SPECC1: variants seen among roughly 807,000 people sequenced by gnomAD.
SPECC1 encodes the protein sperm antigen with calponin homology and coiled-coil domains 1.
In SPECC1, 62 loss-of-function variants were observed where a neutral mutation model predicts 104.1. The observed-to-expected ratio is 0.60, with a 90% confidence interval of 0.49 to 0.74. SPECC1 has a LOEUF of 0.74. SPECC1 is among the 30% of genes least tolerant of loss of function. SPECC1 has a pLI of 0.00. For missense variants in SPECC1, 1,306 were observed against 1,310.5 expected (o/e 1.00, Z 0.05); for synonymous variants, 513 against 501.6 (o/e 1.02, Z -0.30).
chr17:20,082,758 C>T (rs1268274801), intron 1 of SPECC1, among the ~76,000 whole-genome samples: 6 of 152,008 alleles, frequency 3.9e-5, no homozygotes, highest in African/African-American at 9.7e-5. Flanking sequence ...CTTGAAAGAC[C>T]CTCTCTCCAA....
In SPECC1 at chr17:20,280,320, A is replaced by G. The variant is rs2040723062; in HGVS notation, c.2941-16641A>G. On this transcript the variant is annotated intron_variant, in intron 12 of 14. Transcript: ENST00000395527. ...CAATCTCATGAGTTAGGCATTTTGT[A>G]TCCATTTTACAAATACAAAACTAAG... Among the ~76,000 whole-genome samples, 3 of 152,224 alleles carry G rather than the reference A, an allele frequency of 2.0e-5. No homozygotes were observed. In the South Asian group the frequency reaches 6.2e-4, roughly 32 times the overall value.
rs1256208145 is a variant in SPECC1, at chr17:20,246,091, A to G, written c.2497+20A>G. 1.9e-6 allele frequency: 3 copies of G among 1,612,352 alleles called. No individual in the cohort carries two copies. Among genetic ancestry groups the G allele is most frequent in the Non-Finnish European group, 2.5e-6 (3 of 1,179,228 alleles). On this transcript the variant is annotated intron_variant, in intron 8 of 14. Coordinates refer to ENST00000395527, the MANE Select transcript of SPECC1 (RefSeq NM_001243439.2). ...GCCCAGGTATTTAATCATTTTTTCT[A>G]TAAGCAAAGCTCCAAATTCAAACTT...
chr17:20,096,709 G>A lies in SPECC1; in HGVS notation c.58G>A (p.Asp20Asn), dbSNP rs148253226. Residue 20 changes from aspartate to asparagine, a missense_variant, in exon 2 of 15, where the codon GAC (aspartate) becomes AAC (asparagine). Physicochemically the swap from Asp to Asn is conservative, Grantham distance 23. Transcript: ENST00000395527. Reference protein sequence around the residue: ...PAIRAGGHGPDRVRPLPAASS... With the variant: ...PAIRAGGHGPNRVRPLPAASS... Reference sequence around the variant, plus strand: ...CATCAGAGCAGGGGGCCACGGCCCAGACCGGGTGCGGCCTCTGCCTGCAGC... The same window carrying A: ...CATCAGAGCAGGGGGCCACGGCCCAAACCGGGTGCGGCCTCTGCCTGCAGC... 24 of 1,614,252 alleles carry A rather than the reference G, an allele frequency of 1.5e-5. No individual in the cohort carries two copies. The African/African-American group carries it at 2.3e-4, about 15-fold the overall frequency.
chr17:20,123,399 T>C (rs1248220530), intron 3 of SPECC1, among the ~76,000 whole-genome samples: 2 of 152,240 alleles, frequency 1.3e-5, no homozygotes, highest in African/African-American at 4.8e-5. Context: ...GCAGTCGTGA[T>C]TGGCTCACTG....
At chr17:20,139,468 A>C (rs551518037) in intron 3 of SPECC1, among the ~76,000 whole-genome samples, 2 of 152,338 alleles carry the variant, frequency 1.3e-5, no homozygotes, top group South Asian at 4.1e-4. Flanking sequence ...CATGGATCTT[A>C]CATTTCATTC....
chr17:20,300,679 C>T (rs1389986949), intron 13 of SPECC1, among the ~76,000 whole-genome samples: 2 of 152,378 alleles, frequency 1.3e-5, no homozygotes, highest in South Asian at 2.1e-4. Context: ...CGATTCTGAG[C>T]GCAGAGGCTC....
In SPECC1 at chr17:20,194,501, A is replaced by ATTTTTTTTT. The variant is rs1567923485; in HGVS notation, c.284-9832_284-9831insTTTTTTTTT. On this transcript the variant is annotated intron_variant, in intron 3 of 14. Coordinates refer to ENST00000395527, the MANE Select transcript of SPECC1 (RefSeq NM_001243439.2). Reference sequence around the variant, plus strand: ...TTGTGTTCTGTTAGAAAAGAGAACGAATTTTTTTTTTTTTTTTTTTTTTTG... The same window carrying ATTTTTTTTT: ...TTGTGTTCTGTTAGAAAAGAGAACGATTTTTTTTTATTTTTTTTTTTTTTTTTTTTTTTG... Among the ~76,000 whole-genome samples, 5 of 68,136 alleles carry ATTTTTTTTT rather than the reference A, an allele frequency of 7.3e-5. No individual in the cohort carries two copies. In the East Asian group the frequency reaches 6.2e-3, roughly 85 times the overall value. 44.7% of individuals were successfully genotyped at this position (68,136 alleles called of 152,430 possible).
At chr17:20,270,465 A>AAAC (rs1474320988) in intron 12 of SPECC1, among the ~76,000 whole-genome samples, 3 of 120,368 alleles carry the variant, frequency 2.5e-5, no homozygotes, top group Non-Finnish European at 5.1e-5. Context: ...AAAAAAAAAA[A>AAAC]AACATTAGCC....
intron 3 of SPECC1, among the ~76,000 whole-genome samples, chr17:20,158,433 T>C (rs1222371726): frequency 6.6e-6 from 1 of 152,168 alleles, no homozygotes; most frequent in African/African-American, 2.4e-5. Context: ...AAGCTTTTGA[T>C]CATGATGCAG....
At chr17:20,240,967 C>T (rs1159925881) in intron 7 of SPECC1, among the ~76,000 whole-genome samples, 1 of 152,212 alleles carries the variant, frequency 6.6e-6, no homozygotes, top group Non-Finnish European at 1.5e-5. Flanking sequence ...CATGATTTTG[C>T]CTGTCACCTT....
chr17:20,273,556 C>T (rs2040479670), intron 12 of SPECC1, among the ~76,000 whole-genome samples: 1 of 152,010 alleles, frequency 6.6e-6, no homozygotes, highest in African/African-American at 2.4e-5. Context: ...TTCACTGCAT[C>T]ACTCATGCCT....
chr17:20,148,146 A>G (rs2031639676), intron 3 of SPECC1, among the ~76,000 whole-genome samples: 2 of 152,260 alleles, frequency 1.3e-5, no homozygotes, highest in South Asian at 4.1e-4. Flanking sequence ...TCTGAGGAAT[A>G]AATGAATATT....
At chr17:20,213,024 T>A (rs2037257052) in intron 4 of SPECC1, among the ~76,000 whole-genome samples, 1 of 152,240 alleles carries the variant, frequency 6.6e-6, no homozygotes, top group Non-Finnish European at 1.5e-5. Flanking sequence ...TGATTTAAGT[T>A]ATTAGTCTAA....
chr17:20,147,081 A>ATTTTTT (rs71157859), intron 3 of SPECC1, among the ~76,000 whole-genome samples: 2 of 125,698 alleles, frequency 1.6e-5, no homozygotes, highest in Admixed American at 8.2e-5. Flanking sequence ...ATGGATCGTG[A>ATTTTTT]TTTTTTTTTT....
chr17:20,105,039 C>A lies in SPECC1; in HGVS notation c.148-5388C>A, dbSNP rs540967763. Among the ~76,000 whole-genome samples the A allele has an allele frequency of 2.6e-5, 4 of 151,746 alleles. No homozygotes were observed. In the South Asian group the frequency reaches 8.3e-4, roughly 32 times the overall value. On this transcript the variant is annotated intron_variant, in intron 2 of 14. Transcript: ENST00000395527. ...CAACATTTATGTTCTTAATAAAATGCTTTAAATTTTTAACTAAGGGCACAA... is the reference window on the plus strand; with the variant it reads ...CAACATTTATGTTCTTAATAAAATGATTTAAATTTTTAACTAAGGGCACAA...
chr17:20,282,391 G>T (rs1022341244), intron 12 of SPECC1, among the ~76,000 whole-genome samples: 1 of 152,200 alleles, frequency 6.6e-6, no homozygotes. Flanking sequence ...CTCCATTTTC[G>T]CAGTCTCAAA....
At chr17:20,201,098 A>G (rs944117498) in intron 3 of SPECC1, among the ~76,000 whole-genome samples, 1 of 152,096 alleles carries the variant, frequency 6.6e-6, no homozygotes, top group African/African-American at 2.4e-5. Context: ...AGCTGGAAAT[A>G]ACAGCAGACT....
intron 12 of SPECC1, among the ~76,000 whole-genome samples, chr17:20,276,032 G>A (rs2040563674): frequency 6.6e-6 from 1 of 151,884 alleles, no homozygotes; most frequent in African/African-American, 2.4e-5. Context: ...TACCAATATT[G>A]CTATTTCCAT....
At chr17:20,129,507 C>G (rs1267536439) in intron 3 of SPECC1, among the ~76,000 whole-genome samples, 1 of 150,926 alleles carries the variant, frequency 6.6e-6, no homozygotes, top group Non-Finnish European at 1.5e-5. Flanking sequence ...TTTTTTTTAG[C>G]TGTTGAATTT....
Sources: allele counts gnomAD v4.1 joint callset (sites outside exome capture counted in the v4.1 genomes callset), GRCh38; gene constraint gnomAD v4.1.1; transcripts MANE v1.5; gene names NCBI Gene and HGNC (gene_info 2026-07-23, HGNC 2026-07-21).